Variants in PLCH2 observed in about 807,000 individuals in gnomAD.
PLCH2 encodes the protein 1-phosphatidylinositol 4,5-bisphosphate phosphodiesterase eta-2.
In PLCH2, 98 loss-of-function variants were observed where a neutral mutation model predicts 134.7. The ratio of observed to expected loss-of-function variants is 0.73; its 90% CI spans 0.62 to 0.86. PLCH2 has a LOEUF of 0.86. PLCH2 is among the 40% of genes least tolerant of loss of function. The probability of loss-of-function intolerance (pLI) is 0.00; values close to 1 mark genes in which losing one functional copy is unlikely to be tolerated. For synonymous variants in PLCH2, 974 were observed against 827.5 expected, an observed-to-expected ratio of 1.18 and a Z score of -3.04; for missense variants, 1,994 against 1,986.6, an observed-to-expected ratio of 1.00 and a Z score of -0.07.
intron 12 of PLCH2, 88 bp downstream of exon 12, chr1:2,495,036 CCCCGTGTCCTCCCTGCT>C (rs1642805331): frequency 1.1e-6 from 1 of 924,308 alleles, no homozygotes; most frequent in South Asian, 1.6e-5. Flanking sequence ...GCTCCCAGTG[CCCCGTGTCCTCCCTGCT>C]CCCAGTGCCC....
chr1:2,432,777 G>A (rs1435570993), intron 2 of PLCH2, among the ~76,000 whole-genome samples: 7 of 152,182 alleles, frequency 4.6e-5, no homozygotes, highest in Admixed American at 1.3e-4. Flanking sequence ...TTGCCTGGAC[G>A]GACACCGCCG....
intron 2 of PLCH2, among the ~76,000 whole-genome samples, chr1:2,434,868 G>C (rs541249461): frequency 6.6e-6 from 1 of 152,146 alleles, no homozygotes; most frequent in African/African-American, 2.4e-5. Context: ...TGTGGGTTGC[G>C]TATGTCCTCG....
chr1:2,470,595 GT>G (rs1356520154), intron 1 of PLCH2, among the ~76,000 whole-genome samples: 3 of 152,138 alleles, frequency 2.0e-5, no homozygotes, highest in African/African-American at 7.2e-5. Context: ...TCAGCCTCCT[GT>G]TTCCTCGCCT....
chr1:2,480,844 C>G (rs1330044733), intron 4 of PLCH2, among the ~76,000 whole-genome samples: 2 of 151,748 alleles, frequency 1.3e-5, no homozygotes, highest in Non-Finnish European at 2.9e-5. Context: ...TTCCGGAAAG[C>G]CTGCTGGGCC....
intron 1 of PLCH2, among the ~76,000 whole-genome samples, chr1:2,477,081 A>G (rs931292835): frequency 3.3e-5 from 5 of 152,142 alleles, no homozygotes; most frequent in African/African-American, 1.2e-4. Context: ...CTGGTGCCGG[A>G]CATGAGGGCC....
rs371802290 is a variant in PLCH2 at position 2,482,814 on chromosome 1, C to T, written c.646-1634C>T. 5.4e-4 allele frequency among the ~76,000 whole-genome samples: 82 copies of T among 152,292 alleles called. No homozygotes were observed. In the East Asian group the frequency reaches 7.9e-3, roughly 15 times the overall value. ...TGGTGGCTGCTGCTGTCCATGGTGC[C>T]GAGCCGGCCCTGGTTCCTGCTCAGC... On this transcript the variant is annotated intron_variant, in intron 4 of 21. Coordinates refer to ENST00000378486, the MANE Select transcript of PLCH2 (RefSeq NM_014638.4).
At position 2,500,670 on chromosome 1, in the gene PLCH2, C is replaced by T. The variant is rs531347823; in HGVS notation, c.2661+950C>T. The T allele has an allele frequency of 3.9e-5, 6 of 152,374 alleles. No individual in the cohort carries two copies. In the East Asian group the frequency reaches 7.7e-4, roughly 20 times the overall value. The allele number at this position is 152,374 out of a possible 1,614,324, so 9.4% of individuals were successfully genotyped here. A position where few individuals can be genotyped will look rare whatever the true frequency, so the allele number is the denominator to read the frequency against. ...CATTTGGAGACTGTCGCTCATGTGA[C>T]GTGGATCATGACATGGCTCCGGGGG... On this transcript the variant is annotated intron_variant, in intron 20 of 21. Coordinates refer to ENST00000378486, the MANE Select transcript of PLCH2 (RefSeq NM_014638.4).
intron 8 of PLCH2, 123 bp from the exon 9 acceptor site, chr1:2,489,084 G>C: frequency 1.2e-6 from 1 of 861,254 alleles, no homozygotes; most frequent in Non-Finnish European, 1.8e-6. Context: ...CAGCTATCCT[G>C]GGTTCCTGGT....
intron 2 of PLCH2, among the ~76,000 whole-genome samples, chr1:2,458,477 C>T (rs564537715): frequency 2.6e-5 from 4 of 152,276 alleles, no homozygotes; most frequent in East Asian, 1.9e-4. Flanking sequence ...CTGGACATGC[C>T]GAGTGGCCGG....
chr1:2,457,102 C>T (rs1640534611), intron 2 of PLCH2, among the ~76,000 whole-genome samples: 1 of 152,214 alleles, frequency 6.6e-6, no homozygotes, highest in Non-Finnish European at 1.5e-5. Context: ...TGGGTCCGGC[C>T]CTGGTGGTCT....
At chr1:2,500,808 TCCC>T (rs1239003087) in intron 20 of PLCH2, 6 of 25,260 alleles carry the variant, frequency 2.4e-4, no homozygotes, top group Non-Finnish European at 5.0e-4. Flanking sequence ...CTCCCTCCCC[TCCC>T]TCAGTCCTCC....
intron 21 of PLCH2, chr1:2,502,748 T>C (rs1482881890): frequency 1.4e-6 from 1 of 716,170 alleles, no homozygotes; most frequent in Non-Finnish European, 2.6e-6. Context: ...CGGCTCCATG[T>C]CCTCGGACTC....
Position 2,495,476 on chromosome 1 carries a change from C to T in PLCH2, c.1753-12C>T, listed in dbSNP as rs993155950. 1 of 1,549,774 alleles carries T rather than the reference C, an allele frequency of 6.5e-7. No individual in the cohort carries two copies. The highest frequency in any genetic ancestry group is 8.7e-7 in the Non-Finnish European group (1 of 1,145,688). On this transcript the variant is annotated splice_polypyrimidine_tract_variant and intron_variant, in intron 12 of 21. Coordinates refer to ENST00000378486, the MANE Select transcript of PLCH2 (RefSeq NM_014638.4). ...AGAGGCCCTACAGCTCACACCTCTG[C>T]CCCCCGCACAGAAGAAGGGCAGCAA...
chr1:2,461,018 AC>A (rs1640780376), intron 2 of PLCH2, among the ~76,000 whole-genome samples: 2 of 151,638 alleles, frequency 1.3e-5, no homozygotes, highest in Non-Finnish European at 2.9e-5. Flanking sequence ...CGGATCTCAC[AC>A]CCCCACATGG....
Position 2,496,148 on chromosome 1 carries a change from C to T in PLCH2, c.1836-459C>T, listed in dbSNP as rs548352327. Among the ~76,000 whole-genome samples, 8 of 152,322 alleles carry T rather than the reference C, an allele frequency of 5.3e-5. No individual in the cohort carries two copies. The East Asian group carries it at 9.7e-4, about 18-fold the overall frequency. ...GTGCCCCTCGCCTGGGCACAGCCCC[C>T]TCCTGTCTCATCCCGTCCCACGTGC... On this transcript the variant is annotated intron_variant, in intron 13 of 21. Coordinates refer to ENST00000378486, the MANE Select transcript of PLCH2 (RefSeq NM_014638.4).
intron 2 of PLCH2, among the ~76,000 whole-genome samples, chr1:2,443,022 G>C (rs892001896): frequency 2.0e-5 from 3 of 152,224 alleles, no homozygotes; most frequent in African/African-American, 7.2e-5. Context: ...TGGCTGCTTT[G>C]GGCCTCCAGG....
chr1:2,459,651 G>T (rs112937184), intron 2 of PLCH2, among the ~76,000 whole-genome samples: 39 of 46,524 alleles, frequency 8.4e-4, no homozygotes, highest in South Asian at 4.5e-3. Flanking sequence ...CTTCCTTTCC[G>T]GTGGTCCTCC....
intron 1 of PLCH2, among the ~76,000 whole-genome samples, chr1:2,428,843 C>T (rs1234941144): frequency 2.0e-5 from 3 of 152,242 alleles, no homozygotes; most frequent in Admixed American, 6.5e-5. Context: ...GAGCCTGGAG[C>T]CAGGGCAGTG....
chr1:2,452,243 C>T (rs910367480), intron 2 of PLCH2, among the ~76,000 whole-genome samples: 1 of 152,218 alleles, frequency 6.6e-6, no homozygotes. Context: ...CTTCAGGGAG[C>T]AATCCGGAGG....
Sources: allele counts gnomAD v4.1 joint callset (sites outside exome capture counted in the v4.1 genomes callset), GRCh38; gene constraint gnomAD v4.1.1; transcripts MANE v1.5; gene names NCBI Gene and HGNC (gene_info 2026-07-23, HGNC 2026-07-21).